LARGE1: variants seen among roughly 807,000 people sequenced by gnomAD.
The protein encoded by LARGE1 is xylosyl- and glucuronyltransferase LARGE1.
Under a neutral mutation model 87.6 loss-of-function variants are expected in LARGE1, and 43 were observed. That is an observed-to-expected ratio of 0.49 (90% confidence interval 0.38 to 0.63). LARGE1 has a LOEUF of 0.63. LARGE1 is among the 30% of genes least tolerant of loss of function. The probability of loss-of-function intolerance (pLI) is 0.00; values close to 1 mark genes in which losing one functional copy is unlikely to be tolerated. For missense variants in LARGE1, 802 were observed against 1,000.2 expected (o/e 0.80, Z 2.67); for synonymous variants, 434 against 394.6 (o/e 1.10, Z -1.18).
chr22:33,789,931 TG>T (rs2085769941), intron 1 of LARGE1, among the ~76,000 whole-genome samples: 1 of 152,176 alleles, frequency 6.6e-6, no homozygotes, highest in East Asian at 1.9e-4. Flanking sequence ...GAGTTAATGC[TG>T]AAATGAGTTG....
chr22:33,235,015 G>T (rs1926184167), intron 11 of LARGE1, among the ~76,000 whole-genome samples: 1 of 152,142 alleles, frequency 6.6e-6, no homozygotes, highest in Non-Finnish European at 1.5e-5. Flanking sequence ...TAAATAACTT[G>T]CATGAGGACT....
downstream of LARGE1, among the ~76,000 whole-genome samples, chr22:33,157,520 G>T (rs1273900775): frequency 6.6e-6 from 1 of 152,118 alleles, no homozygotes; most frequent in Admixed American, 6.6e-5. Flanking sequence ...TAAACTGCCT[G>T]TTAGTCCTCA....
At chr22:33,301,108 A>T (rs992850302) in intron 12 of LARGE1, among the ~76,000 whole-genome samples, 11 of 151,886 alleles carry the variant, frequency 7.2e-5, no homozygotes, top group African/African-American at 2.7e-4. Flanking sequence ...CTTAACCTCA[A>T]CTCCCACCAG....
intron 11 of LARGE1, among the ~76,000 whole-genome samples, chr22:33,206,764 GT>G (rs1029943196): frequency 1.3e-5 from 2 of 152,264 alleles, no homozygotes; most frequent in Non-Finnish European, 2.9e-5. Context: ...CTCATAAATA[GT>G]TTTTTGAACA....
intron 6 of LARGE1, among the ~76,000 whole-genome samples, chr22:33,540,865 G>A (rs905507167): frequency 8.6e-5 from 13 of 151,852 alleles, no homozygotes; most frequent in African/African-American, 2.2e-4. Context: ...CGGGCACAGC[G>A]GCTCACACCA....
At chr22:33,097,793 G>T in the LARGE1 span, among the ~76,000 whole-genome samples, 2 of 152,160 alleles carry the variant, frequency 1.3e-5, no homozygotes, top group African/African-American at 4.8e-5. Flanking sequence ...AAAATAACGG[G>T]TATAATATCA....
chr22:33,589,981 A>G (rs2078788676), intron 5 of LARGE1, among the ~76,000 whole-genome samples: 1 of 152,064 alleles, frequency 6.6e-6, no homozygotes, highest in Non-Finnish European at 1.5e-5. Flanking sequence ...AATTTTTTTG[A>G]TGAACACTTC....
intron 6 of LARGE1, among the ~76,000 whole-genome samples, chr22:33,524,579 G>A (rs1319778734): frequency 6.6e-6 from 1 of 151,892 alleles, no homozygotes; most frequent in Non-Finnish European, 1.5e-5. Flanking sequence ...ACCCTTTTCT[G>A]AAATTACATC....
chr22:33,775,545 T>C (rs1342064724), intron 1 of LARGE1, among the ~76,000 whole-genome samples: 1 of 152,080 alleles, frequency 6.6e-6, no homozygotes, highest in Admixed American at 6.5e-5. Context: ...GTGAAGACAA[T>C]TTTGATTATT....
At chr22:33,246,079 A>G (rs1291355899) in intron 11 of LARGE1, among the ~76,000 whole-genome samples, 1 of 152,240 alleles carries the variant, frequency 6.6e-6, no homozygotes, top group Non-Finnish European at 1.5e-5. Context: ...GTAGCCATAG[A>G]AATGCACCAT....
At chr22:33,699,514 C>T (rs2082346226) in intron 2 of LARGE1, among the ~76,000 whole-genome samples, 1 of 152,176 alleles carries the variant, frequency 6.6e-6, no homozygotes, top group Non-Finnish European at 1.5e-5. Context: ...ATAAGAAATG[C>T]TCCATGCTCA....
At chr22:33,544,697 A>C (rs909830169) in intron 6 of LARGE1, among the ~76,000 whole-genome samples, 7 of 151,916 alleles carry the variant, frequency 4.6e-5, no homozygotes, top group Admixed American at 2.0e-4. Flanking sequence ...CAACAACCAC[A>C]ACAACAACAA....
intron 6 of LARGE1, among the ~76,000 whole-genome samples, chr22:33,549,140 C>T (rs2077449339): frequency 6.6e-6 from 1 of 152,224 alleles, no homozygotes; most frequent in African/African-American, 2.4e-5. Context: ...CTCCATTCAT[C>T]TCAATAAGGA....
intron 1 of LARGE1, among the ~76,000 whole-genome samples, chr22:33,774,102 A>G (rs1016366912): frequency 2.1e-4 from 32 of 152,056 alleles, no homozygotes; most frequent in Non-Finnish European, 1.0e-4. Flanking sequence ...GGCGGATGGA[A>G]AAAAACTCCT....
chr22:33,120,381 TC>T, the LARGE1 span, among the ~76,000 whole-genome samples: 4 of 94,712 alleles, frequency 4.2e-5, no homozygotes, highest in African/African-American at 2.7e-4. Flanking sequence ...TTTCTTTCTT[TC>T]TTTCTTTCTT....
chr22:33,447,448 G>C (rs892758982), intron 6 of LARGE1, among the ~76,000 whole-genome samples: 1 of 151,792 alleles, frequency 6.6e-6, no homozygotes, highest in Non-Finnish European at 1.5e-5. Context: ...GGAGGTGAGA[G>C]TGCTTGTCTC....
At chr22:33,719,497 A>ATATTTATT (rs56236034) in intron 2 of LARGE1, among the ~76,000 whole-genome samples, 3,316 of 145,144 alleles carry the variant, frequency 0.023, 45 homozygotes, top group Middle Eastern at 0.045. Context: ...CATCTATACC[A>ATATTTATT]TATTTATTTA....
At chr22:33,090,299 T>A in the LARGE1 span, among the ~76,000 whole-genome samples, 1 of 152,172 alleles carries the variant, frequency 6.6e-6, no homozygotes, top group South Asian at 2.1e-4. Flanking sequence ...CAATAAATAA[T>A]AATAAATAAG....
At chr22:33,215,777 G>A (rs1190213572) in intron 11 of LARGE1, among the ~76,000 whole-genome samples, 1 of 152,226 alleles carries the variant, frequency 6.6e-6, no homozygotes, top group Middle Eastern at 3.4e-3. Flanking sequence ...CCAACATGTC[G>A]AAATCCCGTC....
Sources: gnomAD v4.1 joint callset for allele counts (sites outside exome capture counted in the v4.1 genomes callset) on GRCh38, gnomAD v4.1.1 for gene constraint, MANE v1.5 for transcripts, NCBI Gene and HGNC (gene_info 2026-07-23, HGNC 2026-07-21) for gene names.